The following VTI1A variants were observed in gnomAD, a reference collection of about 807,000 sequenced individuals.
VTI1A encodes vesicle transport through interaction with t-SNAREs 1A, also known as vesicle transport through interaction with t-SNAREs homolog 1A.
VTI1A carries 22 observed loss-of-function variants against 34.9 expected under a neutral mutation model. That is an observed-to-expected ratio of 0.63 (90% CI 0.45 to 0.90). The LOEUF is 0.90. Ranked by LOEUF, VTI1A falls within the 40% of genes least tolerant of loss-of-function variation. VTI1A has a pLI of 0.00. For synonymous variants in VTI1A, 87 were observed against 97.3 expected (o/e 0.89, Z 0.62); for missense variants, 268 against 275.6 (o/e 0.97, Z 0.20).
At chr10:112,614,641 G>A (rs916072077) in intron 5 of VTI1A, among the ~76,000 whole-genome samples, 4 of 152,202 alleles carry the variant, frequency 2.6e-5, no homozygotes, top group African/African-American at 9.7e-5. Flanking sequence ...TGGACAGGTA[G>A]ACACTGAGAC....
At chr10:112,598,021 A>G (rs1276009655) in intron 5 of VTI1A, among the ~76,000 whole-genome samples, 2 of 152,162 alleles carry the variant, frequency 1.3e-5, no homozygotes, top group Non-Finnish European at 2.9e-5. Context: ...CTTAAGAAAC[A>G]AAACAGAATG....
intron 1 of VTI1A, among the ~76,000 whole-genome samples, chr10:112,451,708 T>C (rs1847245655): frequency 6.6e-6 from 1 of 152,216 alleles, no homozygotes; most frequent in Non-Finnish European, 1.5e-5. Flanking sequence ...CATCTAGACT[T>C]AGCCACGTGT....
intron 7 of VTI1A, among the ~76,000 whole-genome samples, chr10:112,768,409 T>C (rs1851707563): frequency 6.6e-6 from 1 of 152,168 alleles, no homozygotes; most frequent in South Asian, 2.1e-4. Context: ...GTTGGCCTTC[T>C]CAACTTTAAG....
the VTI1A span, among the ~76,000 whole-genome samples, chr10:112,836,039 A>G: frequency 6.6e-6 from 1 of 152,254 alleles, no homozygotes. Flanking sequence ...CTGAATAAAC[A>G]TCGGCTGCCT....
At chr10:112,646,020 C>T (rs1271814298) in intron 5 of VTI1A, among the ~76,000 whole-genome samples, 2 of 144,252 alleles carry the variant, frequency 1.4e-5, no homozygotes, top group African/African-American at 5.1e-5. Context: ...AGAATGCTAT[C>T]TTCTTATCAT....
the VTI1A span, among the ~76,000 whole-genome samples, chr10:112,843,882 A>T: frequency 3.3e-5 from 5 of 151,350 alleles, no homozygotes; most frequent in Admixed American, 3.3e-4. Context: ...GCCTTCCCCC[A>T]CCCCATCTCC....
At chr10:112,728,967 G>T (rs1010617596) in intron 7 of VTI1A, among the ~76,000 whole-genome samples, 1 of 152,054 alleles carries the variant, frequency 6.6e-6, no homozygotes, top group African/African-American at 2.4e-5. Flanking sequence ...TGGCCGAGCT[G>T]GTCTCAGAAC....
chr10:112,511,364 C>T (rs918288524), intron 3 of VTI1A, among the ~76,000 whole-genome samples: 3 of 152,044 alleles, frequency 2.0e-5, no homozygotes, highest in Admixed American at 2.0e-4. Context: ...CTGCCTCAGC[C>T]TCCCAAGTAG....
At chr10:112,531,442 C>A (rs1195968538) in intron 4 of VTI1A, among the ~76,000 whole-genome samples, 1 of 144,950 alleles carries the variant, frequency 6.9e-6, no homozygotes, top group Non-Finnish European at 1.5e-5. Context: ...AATAGGCCAT[C>A]TTTTGTTTAC....
intron 3 of VTI1A, among the ~76,000 whole-genome samples, chr10:112,470,182 A>C (rs1200605599): frequency 6.6e-6 from 1 of 152,224 alleles, no homozygotes; most frequent in Non-Finnish European, 1.5e-5. Flanking sequence ...AGTTCAGTGT[A>C]GATTTAATGT....
intron 5 of VTI1A, among the ~76,000 whole-genome samples, chr10:112,608,452 T>C (rs1419446660): frequency 6.6e-6 from 1 of 152,182 alleles, no homozygotes; most frequent in Non-Finnish European, 1.5e-5. Context: ...ACTTGGACTA[T>C]AGTTTTTAAA....
At chr10:112,463,605 G>A (rs76467344) in intron 2 of VTI1A, among the ~76,000 whole-genome samples, 1 of 151,402 alleles carries the variant, frequency 6.6e-6, no homozygotes, top group Non-Finnish European at 1.5e-5. Flanking sequence ...TGTATCCAAA[G>A]TGTTATCTGA....
At chr10:112,806,280 C>CT (rs922321163) in intron 7 of VTI1A, among the ~76,000 whole-genome samples, 39 of 151,212 alleles carry the variant, frequency 2.6e-4, no homozygotes, top group Non-Finnish European at 3.5e-4. Flanking sequence ...GTTTTCTTCC[C>CT]TTTTTTTTTA....
At chr10:112,761,298 A>G (rs561463563) in intron 7 of VTI1A, among the ~76,000 whole-genome samples, 1 of 152,280 alleles carries the variant, frequency 6.6e-6, no homozygotes, top group South Asian at 2.1e-4. Context: ...TCTTAAATAG[A>G]GCTGTCTTAA....
intron 7 of VTI1A, among the ~76,000 whole-genome samples, chr10:112,808,984 G>A (rs1004242661): frequency 6.6e-6 from 1 of 152,194 alleles, no homozygotes; most frequent in Non-Finnish European, 1.5e-5. Context: ...GGCTTGAGTG[G>A]CAGACCAATC....
At chr10:112,456,711 A>G (rs1241686848) in intron 1 of VTI1A, among the ~76,000 whole-genome samples, 1 of 152,242 alleles carries the variant, frequency 6.6e-6, no homozygotes. Flanking sequence ...CAGTCTTGAT[A>G]GAACTGACAG....
intron 5 of VTI1A, among the ~76,000 whole-genome samples, chr10:112,666,009 GA>G (rs1367979453): frequency 6.6e-6 from 1 of 151,980 alleles, no homozygotes; most frequent in African/African-American, 2.4e-5. Context: ...AGTTTTAAGT[GA>G]AAAAATGAAT....
rs142861165 is a variant in VTI1A at position 112,482,249 on chromosome 10, A to G, written c.264+17592A>G. On this transcript the variant is annotated intron_variant, in intron 3 of 7. Transcript: ENST00000393077. ...TGGTTCATAAGTATATTATTTTGCT[A>G]TGGACTTTGTAATCAGAGAGGTTGT... Among the ~76,000 whole-genome samples, 977 of 152,256 alleles carry G rather than the reference A, an allele frequency of 6.4e-3. 17 individuals are homozygous for G. Among genetic ancestry groups the G allele is most frequent in the African/African-American group, 0.022 (923 of 41,550 alleles).
chr10:112,826,777 G>C, the VTI1A span: 4 of 152,150 alleles, frequency 2.6e-5, no homozygotes, highest in African/African-American at 9.7e-5. Flanking sequence ...CCTCATGGAG[G>C]TTTCACCTGC....
Sources: allele counts gnomAD v4.1 joint callset (sites outside exome capture counted in the v4.1 genomes callset), GRCh38; gene constraint gnomAD v4.1.1; transcripts MANE v1.5; gene names NCBI Gene and HGNC (gene_info 2026-07-23, HGNC 2026-07-21).